The following DOCK2 variants were observed in gnomAD, a reference collection of about 807,000 sequenced individuals.
DOCK2 encodes dedicator of cytokinesis protein 2.
Under a neutral mutation model 248.9 loss-of-function variants are expected in DOCK2, and 87 were observed. The observed-to-expected ratio is 0.35, with a 90% CI of 0.29 to 0.42. The LOEUF is 0.42. DOCK2 is among the 10% of genes least tolerant of loss of function. DOCK2 has a pLI of 1.00. For missense variants in DOCK2, 1,747 were observed against 2,300.2 expected, an observed-to-expected ratio of 0.76 and a Z score of 4.92; for synonymous variants, 805 against 821.6, an observed-to-expected ratio of 0.98 and a Z score of 0.35.
chr5:169,639,063 G>C (rs1757007949), intron 1 of DOCK2, among the ~76,000 whole-genome samples: 1 of 152,224 alleles, frequency 6.6e-6, no homozygotes, highest in African/African-American at 2.4e-5. Flanking sequence ...GAAGGGCTTT[G>C]AGTGCCAACC....
At chr5:169,747,907 CAT>C (rs1763697181) in intron 23 of DOCK2, among the ~76,000 whole-genome samples, 3 of 152,348 alleles carry the variant, frequency 2.0e-5, no homozygotes, top group South Asian at 2.1e-4. Context: ...TGAGTCCTCT[CAT>C]GTGTGGTCCA....
intron 51 of DOCK2, 141 bp downstream of exon 51, chr5:170,082,125 G>A (rs531578959): frequency 4.9e-6 from 6 of 1,213,854 alleles, no homozygotes; most frequent in Admixed American, 2.4e-5. Context: ...CCTGAGTTCT[G>A]GGACACTGTG....
At chr5:169,843,306 C>T (rs1561755866) in intron 27 of DOCK2, among the ~76,000 whole-genome samples, 3 of 151,696 alleles carry the variant, frequency 2.0e-5, no homozygotes, top group Non-Finnish European at 4.4e-5. Flanking sequence ...CTCTCTTTAC[C>T]TTTTTTTTAA....
chr5:169,797,225 G>A (rs1766707899), intron 25 of DOCK2, among the ~76,000 whole-genome samples: 1 of 152,142 alleles, frequency 6.6e-6, no homozygotes, highest in Non-Finnish European at 1.5e-5. Context: ...TGGGGAAGAG[G>A]GTCAATTCAG....
intron 26 of DOCK2, among the ~76,000 whole-genome samples, chr5:169,840,102 G>A (rs972545351): frequency 1.7e-4 from 26 of 152,332 alleles, no homozygotes; most frequent in African/African-American, 6.3e-4. Context: ...TCCACAGGCT[G>A]TACAGGAAGT....
chr5:169,922,051 C>T (rs774015306), intron 27 of DOCK2, among the ~76,000 whole-genome samples: 2 of 152,170 alleles, frequency 1.3e-5, no homozygotes, highest in Non-Finnish European at 2.9e-5. Context: ...ACTCAAATAC[C>T]TTCTTTCTAT....
chr5:170,065,845 C>T (rs1757471125), intron 44 of DOCK2, among the ~76,000 whole-genome samples: 1 of 152,036 alleles, frequency 6.6e-6, no homozygotes, highest in Admixed American at 6.5e-5. Context: ...GGATACAGAG[C>T]CAAACTGTAT....
intron 27 of DOCK2, among the ~76,000 whole-genome samples, chr5:169,933,525 G>A (rs1775855244): frequency 6.6e-6 from 1 of 152,182 alleles, no homozygotes; most frequent in African/African-American, 2.4e-5. Context: ...TGTTAATATT[G>A]ATACTGCATT....
In DOCK2 at chr5:169,769,403, C is replaced by A. The variant is rs776859215; in HGVS notation, c.2554+7778C>A. On this transcript the variant is annotated intron_variant, in intron 25 of 51. Transcript: ENST00000520908. Reference sequence around the variant, plus strand: ...GGAGCAGCTGACCCTTCCTCTCCATCTTATCGCCTTCCTTTCTGAGGAGTC... The same window carrying A: ...GGAGCAGCTGACCCTTCCTCTCCATATTATCGCCTTCCTTTCTGAGGAGTC... Among the ~76,000 whole-genome samples, 11 of 152,302 alleles carry A rather than the reference C, an allele frequency of 7.2e-5. No individual in the cohort carries two copies. The South Asian group carries it at 2.3e-3, about 32-fold the overall frequency.
intron 2 of DOCK2, among the ~76,000 whole-genome samples, chr5:169,666,083 T>C (rs1391516192): frequency 6.6e-6 from 1 of 152,222 alleles, no homozygotes; most frequent in Non-Finnish European, 1.5e-5. Flanking sequence ...CTCATACTTA[T>C]GGAGACTGGA....
At chr5:169,662,958 G>C (rs1020216480) in intron 2 of DOCK2, among the ~76,000 whole-genome samples, 1 of 152,078 alleles carries the variant, frequency 6.6e-6, no homozygotes, top group Non-Finnish European at 1.5e-5. Context: ...AACTCAAAAG[G>C]CCAAGTCCAA....
At chr5:169,995,230 C>G (rs941790841) in intron 29 of DOCK2, among the ~76,000 whole-genome samples, 1 of 151,876 alleles carries the variant, frequency 6.6e-6, no homozygotes, top group Admixed American at 6.6e-5. Flanking sequence ...GGTTTCACCA[C>G]GATGGTCAGG....
intron 41 of DOCK2, 83 bp downstream of exon 41, chr5:170,050,480 G>C: frequency 6.7e-7 from 1 of 1,483,122 alleles, no homozygotes; most frequent in Non-Finnish European, 9.0e-7. Flanking sequence ...CCACCTTAGA[G>C]CTCAGGGCTG....
chr5:169,928,783 C>A (rs983126524), intron 27 of DOCK2, among the ~76,000 whole-genome samples: 1 of 152,148 alleles, frequency 6.6e-6, no homozygotes, highest in Non-Finnish European at 1.5e-5. Context: ...GCAACCACAG[C>A]CCAATAATGC....
intron 2 of DOCK2, among the ~76,000 whole-genome samples, chr5:169,667,157 C>T (rs1214846126): frequency 6.6e-6 from 1 of 152,016 alleles, no homozygotes; most frequent in Non-Finnish European, 1.5e-5. Context: ...CTATTGGTCC[C>T]TCGATTGTTT....
intron 25 of DOCK2, among the ~76,000 whole-genome samples, chr5:169,780,333 G>GTGTGTGGA (rs1554100113): frequency 9.6e-5 from 14 of 145,098 alleles, no homozygotes; most frequent in African/African-American, 3.9e-4. Context: ...GTGTGTGTGT[G>GTGTGTGGA]TGTGTGTTGA....
At chr5:169,758,359 G>A (rs1423831993) in intron 23 of DOCK2, among the ~76,000 whole-genome samples, 1 of 152,142 alleles carries the variant, frequency 6.6e-6, no homozygotes. Flanking sequence ...CCCTCTCTGG[G>A]GAGGAGAGAT....
intron 27 of DOCK2, among the ~76,000 whole-genome samples, chr5:169,965,100 G>A (rs1000306459): frequency 4.0e-4 from 61 of 152,316 alleles, no homozygotes; most frequent in African/African-American, 1.3e-3. Flanking sequence ...ATCCATTGCT[G>A]CACATAGTAT....
At chr5:169,881,982 T>G (rs1190893255) in intron 27 of DOCK2, among the ~76,000 whole-genome samples, 1 of 152,182 alleles carries the variant, frequency 6.6e-6, no homozygotes, top group Non-Finnish European at 1.5e-5. Flanking sequence ...GGAAAGCATT[T>G]TGTGACTTTT....
Sources: gnomAD v4.1 joint callset for allele counts (sites outside exome capture counted in the v4.1 genomes callset) on GRCh38, gnomAD v4.1.1 for gene constraint, MANE v1.5 for transcripts, NCBI Gene and HGNC (gene_info 2026-07-23, HGNC 2026-07-21) for gene names.